The following UTRN variants were observed in gnomAD, a reference collection of about 807,000 sequenced individuals.
UTRN encodes the protein utrophin.
A neutral mutation model predicts 463.9 loss-of-function variants in UTRN; 283 were observed. The ratio of observed to expected loss-of-function variants is 0.61; its 90% CI spans 0.55 to 0.67. The LOEUF (loss-of-function observed/expected upper bound fraction) is 0.67, where lower values mean the gene tolerates loss of function less well. Ranked by LOEUF, UTRN falls within the 30% of genes least tolerant of loss-of-function variation. UTRN has a pLI of 0.00. For missense variants in UTRN, 3,922 were observed against 4,084.3 expected, an observed-to-expected ratio of 0.96 and a Z score of 1.08; for synonymous variants, 1,442 against 1,431.5, an observed-to-expected ratio of 1.01 and a Z score of -0.17.
rs181627170 is a variant in UTRN at position 144,829,132 on chromosome 6, G to A, written c.9665+277G>A. ...TCAGATTGTTTTATTTAGGATAACA[G>A]GTGTATATATTCATTCCATTTGTCT... On this transcript the variant is annotated intron_variant, in intron 69 of 74. Transcript: ENST00000367545. 3.6e-3 allele frequency among the ~76,000 whole-genome samples: 551 copies of A among 152,156 alleles called. 2 individuals are homozygous for A. The highest frequency in any genetic ancestry group is 0.012 in the African/African-American group (516 of 41,524).
At chr6:144,649,964 G>T (rs2128666277) in intron 51 of UTRN, among the ~76,000 whole-genome samples, 1 of 152,226 alleles carries the variant, frequency 6.6e-6, no homozygotes, top group East Asian at 1.9e-4. Context: ...TCATTCTCAT[G>T]CTGCTAATAA....
intron 58 of UTRN, among the ~76,000 whole-genome samples, chr6:144,768,073 T>G: frequency 6.6e-6 from 1 of 152,206 alleles, no homozygotes; most frequent in Non-Finnish European, 1.5e-5. Context: ...GAGCAGTCAT[T>G]TGCCCAGAAA....
intron 74 of UTRN, among the ~76,000 whole-genome samples, chr6:144,849,453 C>T (rs540981103): frequency 4.7e-4 from 71 of 152,226 alleles, no homozygotes; most frequent in African/African-American, 1.7e-3. Context: ...AGGCCTTCTC[C>T]TCCTACTCTG....
At chr6:144,779,936 T>C (rs1216642331) in intron 60 of UTRN, among the ~76,000 whole-genome samples, 4 of 145,596 alleles carry the variant, frequency 2.7e-5, no homozygotes, top group Non-Finnish European at 5.9e-5. Context: ...GTATGTTTTA[T>C]GTTTATCTCT....
intron 34 of UTRN, among the ~76,000 whole-genome samples, chr6:144,509,140 T>C (rs1009324363): frequency 4.6e-5 from 7 of 152,186 alleles, no homozygotes; most frequent in Admixed American, 3.3e-4. Flanking sequence ...ATTGATATCT[T>C]TGTTATATTA....
chr6:144,770,376 T>C (rs140312567), intron 58 of UTRN, among the ~76,000 whole-genome samples: 206 of 152,346 alleles, frequency 1.4e-3, no homozygotes, highest in Non-Finnish European at 1.5e-3. Flanking sequence ...GTTTTTGATA[T>C]ATTACATAGG....
chr6:144,655,802 A>T (rs1327587112), intron 51 of UTRN, among the ~76,000 whole-genome samples: 1 of 152,250 alleles, frequency 6.6e-6, no homozygotes, highest in Non-Finnish European at 1.5e-5. Flanking sequence ...GCTGTAAAGA[A>T]TCTTTTATTG....
At chr6:144,542,687 G>A in intron 45 of UTRN, 108 bp from the exon 46 acceptor site, 3 of 1,143,604 alleles carry the variant, frequency 2.6e-6, no homozygotes, top group Non-Finnish European at 3.7e-6. Flanking sequence ...GGTCGTTAGG[G>A]GAAGAAAAGT....
intron 2 of UTRN, among the ~76,000 whole-genome samples, chr6:144,326,867 G>T (rs1309134436): frequency 6.6e-6 from 1 of 152,132 alleles, no homozygotes; most frequent in East Asian, 1.9e-4. Flanking sequence ...GGGAGAAAAT[G>T]ATTTTCTCAA....
At chr6:144,474,851 T>C in intron 25 of UTRN, 92 bp downstream of exon 25, 1 of 1,404,642 alleles carries the variant, frequency 7.1e-7, no homozygotes, top group South Asian at 1.5e-5. Context: ...CCATCCAGTT[T>C]GAAAAACGAT....
At chr6:144,733,354 T>C (rs1788977716) in intron 54 of UTRN, among the ~76,000 whole-genome samples, 1 of 151,920 alleles carries the variant, frequency 6.6e-6, no homozygotes, top group Admixed American at 6.6e-5. Flanking sequence ...CCGTCTCTAC[T>C]AAAATACAAA....
chr6:144,533,176 A>G lies in UTRN; in HGVS notation c.6149A>G (p.Asp2050Gly). 6.2e-7 allele frequency: 1 copy of G among 1,614,172 alleles called. No homozygotes were observed. The highest frequency in any genetic ancestry group is 8.5e-7 in the Non-Finnish European group (1 of 1,180,000). The stretch of plus-strand genomic sequence containing the variant: ...ATTGTGCAGAAACTCTCCCAGGCAG[A>G]TGGAAGCTTCTTGAAAGAAAAACTG... ...DGIVQKLSQA[D>G]GSFLKEKLAG... is the part of the protein sequence containing the mutation. The change falls in exon 43 of 75, where the codon GAT (aspartate) becomes GGT (glycine). Residue 2050 changes from aspartate to glycine, a missense_variant. Around this residue, in one of 3 missense-constraint regions of UTRN, gnomAD observed 2,349 missense variants for 2,303.8 expected, o/e 1.02. Transcript: ENST00000367545.
intron 12 of UTRN, 117 bp downstream of exon 12, chr6:144,439,012 G>A: frequency 8.7e-7 from 1 of 1,145,910 alleles, no homozygotes; most frequent in African/African-American, 1.6e-5. Flanking sequence ...CTTCAGGGTT[G>A]TCTTCATTTA....
intron 9 of UTRN, 69 bp from the exon 10 acceptor site, chr6:144,435,866 A>C (rs1786487020): frequency 1.9e-6 from 3 of 1,546,110 alleles, no homozygotes; most frequent in Non-Finnish European, 2.6e-6. Context: ...TTCGCCATAC[A>C]GTGTGAGTTT....
At chr6:144,462,595 A>G in intron 22 of UTRN, 59 bp from the exon 23 acceptor site, 2 of 1,461,156 alleles carry the variant, frequency 1.4e-6, no homozygotes, top group Admixed American at 5.3e-5. Flanking sequence ...AGCCCATTTT[A>G]CTATATCTGT....
intron 54 of UTRN, among the ~76,000 whole-genome samples, chr6:144,743,295 C>G (rs1439007493): frequency 1.3e-5 from 2 of 152,100 alleles, no homozygotes; most frequent in Non-Finnish European, 1.5e-5. Context: ...AAAAAAACAC[C>G]ATACATATGG....
Position 144,700,200 on chromosome 6 carries a change from G to A in UTRN, c.7766G>A (p.Gly2589Glu), listed in dbSNP as rs750431029. ...GAGCTTAAGAAACAAATGCCTATTGGAGGAGATGTTCCAGCCTTACAGCTC... is the reference window on the plus strand; with the variant it reads ...GAGCTTAAGAAACAAATGCCTATTGAAGGAGATGTTCCAGCCTTACAGCTC... ...DEELKKQMPI[G>E]GDVPALQLQY... Residue 2589 changes from glycine to glutamate, a missense_variant, in exon 53 of 75, where the codon GGA becomes GAA. Gly to Glu is a moderately conservative substitution (Grantham distance 98, BLOSUM62 -2). This residue lies in a region of UTRN where 1,309 missense variants were observed against 1,452.6 expected (regional missense o/e 0.90). Transcript: ENST00000367545. 2 of 1,613,544 alleles carry A rather than the reference G, an allele frequency of 1.2e-6. No homozygotes were observed. Among genetic ancestry groups the A allele is most frequent in the Middle Eastern group, 1.7e-4 (1 of 6,056 alleles).
At chr6:144,789,828 A>G (rs1776609145) in intron 62 of UTRN, among the ~76,000 whole-genome samples, 1 of 152,172 alleles carries the variant, frequency 6.6e-6, no homozygotes, top group South Asian at 2.1e-4. Flanking sequence ...TGATTTTTAA[A>G]TTTTTATTAT....
intron 52 of UTRN, among the ~76,000 whole-genome samples, chr6:144,692,492 A>C (rs1425707899): frequency 6.6e-6 from 1 of 151,980 alleles, no homozygotes; most frequent in African/African-American, 2.4e-5. Context: ...TAGATGAACT[A>C]ATTTACACTC....
Sources: gnomAD v4.1 joint callset for allele counts (sites outside exome capture counted in the v4.1 genomes callset) on GRCh38, gnomAD v4.1.1 for gene constraint, gnomAD v4.1.1 regional missense constraint, MANE v1.5 for transcripts, NCBI Gene and HGNC (gene_info 2026-07-23, HGNC 2026-07-21) for gene names.